OSBPL11: variants seen among roughly 807,000 people sequenced by gnomAD.
OSBPL11 encodes oxysterol-binding protein-related protein 11.
A neutral mutation model predicts 84.4 loss-of-function variants in OSBPL11; 33 were observed. The ratio of observed to expected loss-of-function variants is 0.39; its 90% confidence interval spans 0.30 to 0.52. The LOEUF is 0.52. Among genes scored for constraint, OSBPL11 ranks in the 20% least tolerant of loss-of-function variants. The pLI, the probability that OSBPL11 is intolerant of heterozygous loss-of-function variation, is 0.72. For synonymous variants in OSBPL11, 276 were observed against 310.2 expected (o/e 0.89, Z 1.16); for missense variants, 736 against 901.1 (o/e 0.82, Z 2.35).
Position 125,594,916 on chromosome 3 carries a change from A to G in OSBPL11, c.-116T>C. On this transcript the variant is annotated 5_prime_UTR_variant, in exon 1 of 13. Transcript: ENST00000296220. ...AATATGATACCGGTTGCTAAATCAC[A>G]CGGCGGCTGGGGCGGGACTGTCAAA... 1 of 1,170,322 alleles carries G rather than the reference A, an allele frequency of 8.5e-7. No individual in the cohort carries two copies. Among genetic ancestry groups the G allele is most frequent in the South Asian group, 1.6e-5 (1 of 62,626 alleles). The allele number at this position is 1,170,322 out of a possible 1,614,324, so 72.5% of individuals were successfully genotyped here. A position where few individuals can be genotyped will look rare whatever the true frequency, so the allele number is the denominator to read the frequency against.
intron 8 of OSBPL11, among the ~76,000 whole-genome samples, chr3:125,557,224 AG>A (rs1218949767): frequency 6.6e-6 from 1 of 152,206 alleles, no homozygotes; most frequent in Non-Finnish European, 1.5e-5. Context: ...CACAACATGA[AG>A]GCTAGGACCA....
rs546498156 is a variant in OSBPL11 at position 125,542,445 on chromosome 3, C to A, written c.1842-3812G>T. 3.7e-3 allele frequency among the ~76,000 whole-genome samples: 569 copies of A among 151,982 alleles called. 8 individuals are homozygous for A. Among genetic ancestry groups the A allele is most frequent in the Non-Finnish European group, 2.0e-3 (138 of 67,994 alleles). On this transcript the variant is annotated intron_variant, in intron 10 of 12. Coordinates refer to ENST00000296220, the MANE Select transcript of OSBPL11 (RefSeq NM_022776.5). ...CTGCCTCCCAGGTTCAAGCGATACT[C>A]CTGCCTCAGCCTCCCGAGTAGCTGG...
At chr3:125,535,974 A>C (rs1233582435) in intron 11 of OSBPL11, among the ~76,000 whole-genome samples, 4 of 151,884 alleles carry the variant, frequency 2.6e-5, no homozygotes, top group Non-Finnish European at 1.5e-5. Context: ...CTCTATTAAA[A>C]ATACAAAAAA....
At chr3:125,589,342 C>CAAAAAAAAAA (rs35267505) in intron 1 of OSBPL11, among the ~76,000 whole-genome samples, 2 of 62,028 alleles carry the variant, frequency 3.2e-5, no homozygotes, top group Non-Finnish European at 6.8e-5. Flanking sequence ...AACTCCATCT[C>CAAAAAAAAAA]AAAAAAAAAA....
chr3:125,577,609 C>T (rs1265428816), intron 4 of OSBPL11, among the ~76,000 whole-genome samples: 1 of 152,108 alleles, frequency 6.6e-6, no homozygotes, highest in Non-Finnish European at 1.5e-5. Context: ...AGGTGGATTG[C>T]CTGAGCTCAA....
intron 12 of OSBPL11, among the ~76,000 whole-genome samples, chr3:125,531,037 A>C (rs1346750647): frequency 1.3e-5 from 2 of 151,122 alleles, no homozygotes; most frequent in Non-Finnish European, 2.9e-5. Context: ...GCTGGAGTGC[A>C]GTGGCACAAT....
Position 125,594,960 on chromosome 3 carries a change from T to TA in OSBPL11, c.-161dup. On this transcript the variant is annotated 5_prime_UTR_variant, in exon 1 of 13. It removes the in-frame stop codon of an upstream open reading frame in the 5' UTR. Coordinates refer to ENST00000296220, the MANE Select transcript of OSBPL11 (RefSeq NM_022776.5). Reference sequence around the variant, plus strand: ...TGTCAAATGGTCCAGAAAAGGAAGATACACATTCCCACAGAAGTTAAACTT... The same window carrying TA: ...TGTCAAATGGTCCAGAAAAGGAAGATAACACATTCCCACAGAAGTTAAACTT... 1.4e-6 allele frequency: 1 copy of TA among 705,344 alleles called. No individual in the cohort carries two copies. The highest frequency in any genetic ancestry group is 2.1e-5 in the South Asian group (1 of 47,432). The allele number at this position is 705,344 out of a possible 1,614,324, so 43.7% of individuals were successfully genotyped here.
chr3:125,563,175 GAATAA>G (rs1936102646), intron 7 of OSBPL11, among the ~76,000 whole-genome samples: 1 of 152,004 alleles, frequency 6.6e-6, no homozygotes, highest in African/African-American at 2.4e-5. Context: ...ATTATGAATA[GAATAA>G]AACACTCTTC....
chr3:125,546,712 G>A (rs1030388030), intron 10 of OSBPL11, among the ~76,000 whole-genome samples: 3 of 152,030 alleles, frequency 2.0e-5, no homozygotes, highest in Non-Finnish European at 4.4e-5. Flanking sequence ...CCAACATGGT[G>A]AAAGCCCATC....
chr3:125,538,341 G>T, intron 11 of OSBPL11, 110 bp downstream of exon 11: 1 of 955,676 alleles, frequency 1.0e-6, no homozygotes, highest in Non-Finnish European at 1.6e-6. Flanking sequence ...AATTTACAAA[G>T]CTGATGCAAC....
intron 5 of OSBPL11, among the ~76,000 whole-genome samples, chr3:125,571,440 C>G (rs984789003): frequency 5.3e-5 from 8 of 152,288 alleles, no homozygotes; most frequent in African/African-American, 1.7e-4. Flanking sequence ...AATGTTAACC[C>G]CCAAGACAAT....
chr3:125,544,840 C>T (rs1935787315), intron 10 of OSBPL11, among the ~76,000 whole-genome samples: 1 of 152,106 alleles, frequency 6.6e-6, no homozygotes, highest in Non-Finnish European at 1.5e-5. Context: ...CATCTTGTAT[C>T]AATAAATGAC....
At chr3:125,579,466 C>A (rs76953994) in intron 3 of OSBPL11, among the ~76,000 whole-genome samples, 1 of 152,068 alleles carries the variant, frequency 6.6e-6, no homozygotes, top group Non-Finnish European at 1.5e-5. Flanking sequence ...AGAAGTTATA[C>A]GTTATTTTAA....
intron 1 of OSBPL11, among the ~76,000 whole-genome samples, chr3:125,587,146 A>C (rs1241721138): frequency 6.6e-6 from 1 of 152,232 alleles, no homozygotes; most frequent in Non-Finnish European, 1.5e-5. Flanking sequence ...TTAAACAAAT[A>C]CAGAGGATTC....
At chr3:125,580,485 G>C (rs1936406554) in intron 2 of OSBPL11, among the ~76,000 whole-genome samples, 1 of 122,222 alleles carries the variant, frequency 8.2e-6, no homozygotes, top group African/African-American at 3.3e-5. Flanking sequence ...CTGCACTCCA[G>C]CCTGGGCAAA....
intron 11 of OSBPL11, among the ~76,000 whole-genome samples, chr3:125,535,353 A>G (rs1179657953): frequency 6.6e-6 from 1 of 151,990 alleles, no homozygotes; most frequent in South Asian, 2.1e-4. Context: ...ACCTTCCCCT[A>G]AAGAAAAGAA....
intron 5 of OSBPL11, among the ~76,000 whole-genome samples, chr3:125,572,090 C>T (rs1936251880): frequency 6.6e-6 from 1 of 152,264 alleles, no homozygotes; most frequent in South Asian, 2.1e-4. Context: ...CCTCTTCCAT[C>T]AGGGTGACCT....
At chr3:125,571,012 T>C (rs1362286718) in intron 5 of OSBPL11, among the ~76,000 whole-genome samples, 2 of 152,128 alleles carry the variant, frequency 1.3e-5, no homozygotes, top group African/African-American at 2.4e-5. Flanking sequence ...GTGGGAAAGT[T>C]TGGAACTCCC....
intron 5 of OSBPL11, among the ~76,000 whole-genome samples, chr3:125,571,554 G>A (rs1207968240): frequency 1.3e-5 from 2 of 152,268 alleles, no homozygotes; most frequent in African/African-American, 4.8e-5. Context: ...CCGGGCCTAG[G>A]GTCCCCATGC....
Sources: gnomAD v4.1 joint callset for allele counts (sites outside exome capture counted in the v4.1 genomes callset) on GRCh38, gnomAD v4.1.1 for gene constraint, MANE v1.5 for transcripts, NCBI Gene and HGNC (gene_info 2026-07-23, HGNC 2026-07-21) for gene names.